Variants in PHF19 observed in about 807,000 individuals in gnomAD.
PHF19 encodes polycomb like 3.
In PHF19, 21 loss-of-function variants were observed where a neutral mutation model predicts 79.8. The observed-to-expected ratio is 0.26, with a 90% CI of 0.19 to 0.38. The LOEUF is 0.38. PHF19 is among the 10% of genes least tolerant of loss of function. The pLI is 1.00. For missense variants in PHF19, 445 were observed against 744.2 expected (o/e 0.60, Z 4.68); for synonymous variants, 273 against 296.3 (o/e 0.92, Z 0.81).
chr9:120,887,621 A>AACACACACACAC (rs764204141), intron 1 of PHF19, among the ~76,000 whole-genome samples: 31 of 113,638 alleles, frequency 2.7e-4, no homozygotes, highest in African/African-American at 1.0e-3. Flanking sequence ...TTTATGAACA[A>AACACACACACAC]ACACACACAC....
In PHF19 at chr9:120,862,488, T is replaced by C. The variant is rs971329485; in HGVS notation, c.1130+100A>G. 3 of 1,040,804 alleles carry C rather than the reference T, an allele frequency of 2.9e-6. No homozygotes were observed. Among genetic ancestry groups the C allele is most frequent in the Non-Finnish European group, 4.4e-6 (3 of 685,848 alleles). The allele number at this position is 1,040,804 out of a possible 1,614,324, so 64.5% of individuals were successfully genotyped here. On this transcript the variant is annotated intron_variant, in intron 11 of 14. Coordinates refer to ENST00000373896, the MANE Select transcript of PHF19 (RefSeq NM_015651.3). This position sits in a 1 kb window ranked among gnomAD's most constrained non-coding sequence, Gnocchi z 4.6. ...CCACTATCTAGCCCTCTCAGGGTCC[T>C]ACAGCTGGGACTGGCTGGGTGCAGG...
At chr9:120,877,357 G>C, upstream of PHF19, 3 of 981,000 alleles carry the variant, frequency 3.1e-6, no homozygotes, top group Non-Finnish European at 3.6e-6. Flanking sequence ...TTGACGTCCC[G>C]CTTATGTAAT....
intron 1 of PHF19, among the ~76,000 whole-genome samples, chr9:120,889,824 G>T (rs1307362536): frequency 6.6e-6 from 1 of 151,694 alleles, no homozygotes; most frequent in African/African-American, 2.4e-5. Flanking sequence ...AAAGAAAAAA[G>T]AGAAAAAGAA....
chr9:120,870,368 G>C lies in PHF19; in HGVS notation c.364+75C>G. 1 of 900,956 alleles carries C rather than the reference G, an allele frequency of 1.1e-6. No homozygotes were observed. The highest frequency in any genetic ancestry group is 2.4e-5 in the East Asian group (1 of 41,482). 55.8% of individuals were successfully genotyped at this position (900,956 alleles called of 1,614,324 possible). A position where few individuals can be genotyped will look rare whatever the true frequency, so the allele number is the denominator to read the frequency against. On this transcript the variant is annotated intron_variant, in intron 4 of 14. Coordinates refer to ENST00000373896, the MANE Select transcript of PHF19 (RefSeq NM_015651.3). This position sits in a 1 kb window ranked among gnomAD's most constrained non-coding sequence, Gnocchi z 4.4. ...CCAGCTGAGGCCCCAACAGGCTGCA[G>C]CAGTACCCGTCAGGGGCCAGTGCGT...
At chr9:120,861,282 C>A in intron 12 of PHF19, 108 bp from the exon 13 acceptor site, 1 of 766,012 alleles carries the variant, frequency 1.3e-6, no homozygotes, top group Non-Finnish European at 2.4e-6. Context: ...TGGGCCCTCC[C>A]TAGGGTAAGA....
At position 120,860,394 on chromosome 9, in the gene PHF19, C is replaced by T. The variant is rs1326965236; in HGVS notation, c.1305-209G>A. 1 of 548,282 alleles carries T rather than the reference C, an allele frequency of 1.8e-6. No individual in the cohort carries two copies. The highest frequency in any genetic ancestry group is 3.3e-6 in the Non-Finnish European group (1 of 302,936). 34.0% of individuals were successfully genotyped at this position (548,282 alleles called of 1,614,324 possible). A position where few individuals can be genotyped will look rare whatever the true frequency, so the allele number is the denominator to read the frequency against. ...AAAAAAACCTCCTGGAGCACCCTCC[C>T]CTGGCGGTGACGTAAGCACTGGTGT... On this transcript the variant is annotated intron_variant, in intron 13 of 14. Coordinates refer to ENST00000373896, the MANE Select transcript of PHF19 (RefSeq NM_015651.3). This position sits in a 1 kb window ranked among gnomAD's most constrained non-coding sequence, Gnocchi z 4.1.
chr9:120,901,717 G>A, the PHF19 span, among the ~76,000 whole-genome samples: 6 of 152,294 alleles, frequency 3.9e-5, no homozygotes, highest in African/African-American at 1.4e-4. Context: ...CCAGGGAGCC[G>A]GCAGCACCTG....
chr9:120,868,843 C>G (rs912191217), intron 6 of PHF19: 1 of 1,072,628 alleles, frequency 9.3e-7, no homozygotes, highest in Admixed American at 5.5e-5. Flanking sequence ...CGCAACCCGC[C>G]AGGCCCGCCT....
At chr9:120,876,437 G>GC (rs1421100561) in intron 1 of PHF19, 1 of 151,868 alleles carries the variant, frequency 6.6e-6, no homozygotes, top group African/African-American at 2.4e-5. Flanking sequence ...CCGGGCGGGG[G>GC]CCCCCGGGTG....
In PHF19 at chr9:120,869,758, G is replaced by C. The variant is rs1474852245; in HGVS notation, c.465+87C>G. 6.3e-7 allele frequency: 1 copy of C among 1,594,866 alleles called. No homozygotes were observed. Among genetic ancestry groups the C allele is most frequent in the Non-Finnish European group, 8.5e-7 (1 of 1,170,916 alleles). Reference sequence around the variant, plus strand: ...AAGCCCAGGTGTGGCCCTTCTGCTTGGAGCTCAGACTCTGTGATGGGAGTC... The same window carrying C: ...AAGCCCAGGTGTGGCCCTTCTGCTTCGAGCTCAGACTCTGTGATGGGAGTC... On this transcript the variant is annotated intron_variant, in intron 5 of 14. Transcript: ENST00000373896. This position sits in a 1 kb window ranked among gnomAD's most constrained non-coding sequence, Gnocchi z 5.8.
intron 3 of PHF19, among the ~76,000 whole-genome samples, chr9:120,872,037 CAAAAAAAAAAAA>C (rs1170243737): frequency 3.6e-4 from 11 of 30,324 alleles, no homozygotes; most frequent in South Asian, 5.0e-3. Flanking sequence ...GACTCTGTCT[CAAAAAAAAAAAA>C]AAAAAAAAAA....
At chr9:120,867,199 G>GGTGAA (rs897772392) in intron 6 of PHF19, among the ~76,000 whole-genome samples, 6 of 152,220 alleles carry the variant, frequency 3.9e-5, no homozygotes, top group Admixed American at 2.6e-4. Context: ...ATAAGTCACA[G>GGTGAA]GTGAAATGGC....
At chr9:120,872,593 A>C (rs2045935365) in intron 3 of PHF19, among the ~76,000 whole-genome samples, 1 of 152,126 alleles carries the variant, frequency 6.6e-6, no homozygotes, top group African/African-American at 2.4e-5. Context: ...GCAATTCGAA[A>C]GCTTTACTAA....
chr9:120,885,638 C>G (rs2046252935), intron 1 of PHF19, among the ~76,000 whole-genome samples: 1 of 151,920 alleles, frequency 6.6e-6, no homozygotes, highest in Non-Finnish European at 1.5e-5. Context: ...AGGAAAGACG[C>G]ATTCAAGATG....
At chr9:120,896,655 G>C (rs933324108), upstream of PHF19, among the ~76,000 whole-genome samples, 1 of 151,728 alleles carries the variant, frequency 6.6e-6, no homozygotes, top group African/African-American at 2.4e-5. Flanking sequence ...GGGTTTCACC[G>C]TGTTAGCCAG....
chr9:120,897,124 G>A (rs1228442625), upstream of PHF19, among the ~76,000 whole-genome samples: 1 of 152,220 alleles, frequency 6.6e-6, no homozygotes, highest in African/African-American at 2.4e-5. Flanking sequence ...TACTTGCCAG[G>A]GATATTGGGA....
upstream of PHF19, among the ~76,000 whole-genome samples, chr9:120,878,787 T>G (rs1304935167): frequency 6.6e-6 from 1 of 152,220 alleles, no homozygotes. Flanking sequence ...AGCAGCCCCA[T>G]GGCACAAAAT....
rs2045485632 is a variant in PHF19, at chr9:120,860,383, G to A, written c.1305-198C>T. On this transcript the variant is annotated intron_variant, in intron 13 of 14. Coordinates refer to ENST00000373896, the MANE Select transcript of PHF19 (RefSeq NM_015651.3). The surrounding 1 kb of genome is among the most constrained non-coding windows in gnomAD (Gnocchi z 4.1). ...TCCAAGAAGTCAAAAAAACCTCCTGGAGCACCCTCCCCTGGCGGTGACGTA... is the reference window on the plus strand; with the variant it reads ...TCCAAGAAGTCAAAAAAACCTCCTGAAGCACCCTCCCCTGGCGGTGACGTA... The A allele has an allele frequency of 1.8e-6, 1 of 563,216 alleles. No homozygotes were observed. Among genetic ancestry groups the A allele is most frequent in the Admixed American group, 3.0e-5 (1 of 33,628 alleles). 34.9% of individuals were successfully genotyped at this position (563,216 alleles called of 1,614,324 possible). A position where few individuals can be genotyped will look rare whatever the true frequency, so the allele number is the denominator to read the frequency against.
At chr9:120,895,261 C>T (rs372633268), upstream of PHF19, among the ~76,000 whole-genome samples, 3 of 152,098 alleles carry the variant, frequency 2.0e-5, no homozygotes, top group African/African-American at 4.8e-5. Context: ...TCATTGGAAT[C>T]CCAGAGTTAC....
Sources: gnomAD v4.1 joint callset for allele counts (sites outside exome capture counted in the v4.1 genomes callset) on GRCh38, gnomAD v4.1.1 for gene constraint, Gnocchi (gnomAD v3.1) non-coding constraint, MANE v1.5 for transcripts, NCBI Gene and HGNC (gene_info 2026-07-23, HGNC 2026-07-21) for gene names.